Variants in IGFL2 observed in about 807,000 individuals in gnomAD.
The protein encoded by IGFL2 is IGF like family member 2, also known as insulin growth factor-like family member 2.
In IGFL2, 7 loss-of-function variants were observed where a neutral mutation model predicts 13.9. The observed-to-expected ratio is 0.51, with a 90% CI of 0.29 to 0.95. The LOEUF (loss-of-function observed/expected upper bound fraction) is 0.95, where lower values mean the gene tolerates loss of function less well. Among genes scored for constraint, IGFL2 ranks in the 40% least tolerant of loss-of-function variants. The pLI is 0.08. For missense variants in IGFL2, 138 were observed against 147.8 expected (o/e 0.93, Z 0.34); for synonymous variants, 55 against 55.8 (o/e 0.99, Z 0.07).
At chr19:46,113,744 A>G in the IGFL2 span, 1 of 172,518 alleles carries the variant, frequency 5.8e-6, no homozygotes, top group Non-Finnish European at 1.3e-5. Context: ...CATGTAAGTT[A>G]GAGCCCTGAA....
the IGFL2 span, among the ~76,000 whole-genome samples, chr19:46,168,851 C>T: frequency 2.0e-5 from 2 of 100,746 alleles, no homozygotes; most frequent in Non-Finnish European, 4.0e-5. Context: ...TAATTTTTTT[C>T]CCTGTTTTTT....
chr19:46,103,946 G>T, the IGFL2 span, among the ~76,000 whole-genome samples: 2 of 152,150 alleles, frequency 1.3e-5, no homozygotes, highest in African/African-American at 2.4e-5. Flanking sequence ...CAATGGGGAG[G>T]GTCCTGCAGG....
At chr19:46,163,350 T>C (rs1600956692), downstream of IGFL2, among the ~76,000 whole-genome samples, 1 of 151,996 alleles carries the variant, frequency 6.6e-6, no homozygotes, top group Non-Finnish European at 1.5e-5. Context: ...TGGCCAAGGG[T>C]TGTTTGCTTG....
At chr19:46,105,209 A>G in the IGFL2 span, among the ~76,000 whole-genome samples, 1 of 152,192 alleles carries the variant, frequency 6.6e-6, no homozygotes, top group African/African-American at 2.4e-5. Flanking sequence ...TTCAGCCCAT[A>G]TAACAGCATG....
At chr19:46,167,504 G>A in the IGFL2 span, among the ~76,000 whole-genome samples, 38 of 152,236 alleles carry the variant, frequency 2.5e-4, no homozygotes, top group South Asian at 5.2e-3. Flanking sequence ...CCCAGCAAGC[G>A]TGCCACCCAG....
chr19:46,103,805 G>T, the IGFL2 span, among the ~76,000 whole-genome samples: 1 of 152,122 alleles, frequency 6.6e-6, no homozygotes, highest in Non-Finnish European at 1.5e-5. Context: ...GCTTATAAGG[G>T]TTACTATTAT....
At chr19:46,178,157 A>T in the IGFL2 span, among the ~76,000 whole-genome samples, 1 of 152,090 alleles carries the variant, frequency 6.6e-6, no homozygotes, top group Non-Finnish European at 1.5e-5. Flanking sequence ...CATGCCTGTA[A>T]TCCCAGCTAC....
Position 46,160,465 on chromosome 19 carries a change from A to G in IGFL2, c.70A>G (p.Ile24Val), listed in dbSNP as rs781573525. The G allele has an allele frequency of 3.7e-6, 6 of 1,613,678 alleles. No individual in the cohort carries two copies. The highest frequency in any genetic ancestry group is 5.1e-6 in the Non-Finnish European group (6 of 1,179,750). The change falls in exon 2 of 4, where the codon ATC becomes GTC. Residue 24 changes from isoleucine (I) to valine (V), a missense_variant. By Grantham distance (29) the Ile-to-Val change is conservative. Coordinates refer to ENST00000377693, the MANE Select transcript of IGFL2 (RefSeq NM_001135113.2). ...CLLLLCPREVIAPAGSEPWLC... is the reference protein window; with the variant it reads ...CLLLLCPREVVAPAGSEPWLC... ...CCTCCTCTTGTGTCCAAGGGAAGTC[A>G]TCGGTGAGTACAAGGATGGGCAAGA... is the stretch of plus-strand genomic sequence containing the variant.
chr19:46,194,866 T>A, the IGFL2 span, among the ~76,000 whole-genome samples: 790 of 125,890 alleles, frequency 6.3e-3, 2 homozygotes, highest in Non-Finnish European at 0.01. Flanking sequence ...TTTTTTTTTT[T>A]TTTTTTTTTT....
intron 1 of IGFL2, among the ~76,000 whole-genome samples, chr19:46,151,065 C>T (rs749732921): frequency 6.6e-6 from 1 of 152,168 alleles, no homozygotes; most frequent in Non-Finnish European, 1.5e-5. Flanking sequence ...TTGCTTATCT[C>T]CCTGTTGCCC....
chr19:46,204,996 A>G, the IGFL2 span: 1 of 149,778 alleles, frequency 6.7e-6, no homozygotes, highest in Non-Finnish European at 1.5e-5. Context: ...CATGTTGGCC[A>G]TGCTGTTCTC....
At chr19:46,142,489 A>G (rs1398962180), upstream of IGFL2, among the ~76,000 whole-genome samples, 6 of 152,250 alleles carry the variant, frequency 3.9e-5, no homozygotes, top group Non-Finnish European at 8.8e-5. Flanking sequence ...AGTAAGAAAT[A>G]CGTTGCGTAA....
At chr19:46,114,378 A>G in the IGFL2 span, among the ~76,000 whole-genome samples, 2 of 152,188 alleles carry the variant, frequency 1.3e-5, no homozygotes, top group East Asian at 1.9e-4. Context: ...GTCTCTCCCA[A>G]AATGGAAGTG....
chr19:46,124,107 A>G, the IGFL2 span: 1 of 1,611,310 alleles, frequency 6.2e-7, no homozygotes, highest in Non-Finnish European at 8.5e-7. Flanking sequence ...TCTTGTTCCC[A>G]CACCTGGGTG....
At chr19:46,080,186 T>C in the IGFL2 span, among the ~76,000 whole-genome samples, 1 of 152,260 alleles carries the variant, frequency 6.6e-6, no homozygotes, top group Admixed American at 6.5e-5. Context: ...GACCAAAAAA[T>C]TAATGGGATT....
At chr19:46,111,367 A>G in the IGFL2 span, 1 of 152,250 alleles carries the variant, frequency 6.6e-6, no homozygotes, top group Non-Finnish European at 1.5e-5. Flanking sequence ...AGTTTTTAAA[A>G]TAAGTATGTA....
the IGFL2 span, among the ~76,000 whole-genome samples, chr19:46,110,726 T>A: frequency 6.6e-6 from 1 of 152,202 alleles, no homozygotes; most frequent in African/African-American, 2.4e-5. Flanking sequence ...TGGAGATACC[T>A]TCTGACAAGA....
upstream of IGFL2, among the ~76,000 whole-genome samples, chr19:46,143,930 C>A (rs1184188996): frequency 2.0e-5 from 3 of 152,184 alleles, no homozygotes; most frequent in African/African-American, 4.8e-5. Context: ...ATGCAGGCAA[C>A]CCCAACTGGG....
chr19:46,181,299 T>G, the IGFL2 span: 1 of 152,224 alleles, frequency 6.6e-6, no homozygotes, highest in Non-Finnish European at 1.5e-5. Flanking sequence ...CAAGGGAAAC[T>G]GACCCTCCTT....
Sources: allele counts gnomAD v4.1 joint callset (sites outside exome capture counted in the v4.1 genomes callset), GRCh38; gene constraint gnomAD v4.1.1; transcripts MANE v1.5; gene names NCBI Gene and HGNC (gene_info 2026-07-23, HGNC 2026-07-21).